Variants in OTOGL observed in about 807,000 individuals in gnomAD.
The protein encoded by OTOGL is otogelin-like protein.
OTOGL carries 285 observed loss-of-function variants against 318.5 expected under a neutral mutation model. That is an observed-to-expected ratio of 0.89 (90% CI 0.81 to 0.99). OTOGL has a LOEUF of 0.99. Ranked by LOEUF, OTOGL falls within the 50% of genes least tolerant of loss-of-function variation. The probability of loss-of-function intolerance (pLI) is 0.00; values close to 1 mark genes in which losing one functional copy is unlikely to be tolerated. For missense variants in OTOGL, 2,899 were observed against 2,845.6 expected (o/e 1.02, Z -0.43); for synonymous variants, 987 against 936.5 (o/e 1.05, Z -0.99).
chr12:80,262,964 CG>C (rs1341596829), intron 19 of OTOGL, among the ~76,000 whole-genome samples: 1 of 152,070 alleles, frequency 6.6e-6, no homozygotes, highest in Non-Finnish European at 1.5e-5. Context: ...GCACAGTTTA[CG>C]GATCATGCGG....
At chr12:80,290,371 C>T (rs1037514861) in intron 26 of OTOGL, among the ~76,000 whole-genome samples, 1 of 152,016 alleles carries the variant, frequency 6.6e-6, no homozygotes, top group Non-Finnish European at 1.5e-5. Flanking sequence ...TCTGCCTTTT[C>T]AATAAGCTAC....
rs1891216438 is a variant in OTOGL, at chr12:80,377,182, G to A, written c.6841G>A (p.Asp2281Asn). 6.2e-7 allele frequency: 1 copy of A among 1,607,712 alleles called. No individual in the cohort carries two copies. Among genetic ancestry groups the A allele is most frequent in the African/African-American group, 1.3e-5 (1 of 74,718 alleles). ...CATTAAATCGGTCATAAGGAAACAG[G>A]ACTGTATGAGCCAAAGCCCTGTAAG... is the stretch of plus-strand genomic sequence containing the variant. Reference protein sequence around the residue: ...VIIKSVIRKQDCMSQSPINVA... With the variant: ...VIIKSVIRKQNCMSQSPINVA... Residue 2281 changes from aspartate to asparagine, a missense_variant, in exon 58 of 59, where the codon GAC becomes AAC. Physicochemically the swap from Asp to Asn is conservative, Grantham distance 23. Transcript: ENST00000547103.
chr12:80,289,893 A>T (rs1884916540), intron 26 of OTOGL, among the ~76,000 whole-genome samples: 1 of 151,978 alleles, frequency 6.6e-6, no homozygotes, highest in Non-Finnish European at 1.5e-5. Flanking sequence ...CCCCCTTTCC[A>T]GAGAAGTGAA....
intron 22 of OTOGL, among the ~76,000 whole-genome samples, chr12:80,268,820 G>A (rs1160339528): frequency 6.6e-6 from 1 of 150,654 alleles, no homozygotes; most frequent in East Asian, 2.0e-4. Context: ...TGGTGTTCTT[G>A]CCTCTAGTTT....
At chr12:80,212,911 T>TC (rs1160734401) in intron 4 of OTOGL, among the ~76,000 whole-genome samples, 1 of 151,840 alleles carries the variant, frequency 6.6e-6, no homozygotes, top group Non-Finnish European at 1.5e-5. Context: ...TAGAGACCTT[T>TC]TTTTTGTTCC....
chr12:80,102,903 T>C (rs956752339), intron 1 of OTOGL: 5 of 814,094 alleles, frequency 6.1e-6, no homozygotes, highest in Non-Finnish European at 1.1e-5. Context: ...AGATTATTCC[T>C]CCATCTTCTC....
In OTOGL at chr12:80,358,675, T is replaced by G; in HGVS notation, c.6126T>G (p.Cys2042Trp). 6.2e-7 allele frequency: 1 copy of G among 1,607,100 alleles called. No individual in the cohort carries two copies. Among genetic ancestry groups the G allele is most frequent in the Non-Finnish European group, 8.5e-7 (1 of 1,176,268 alleles). The change falls in exon 51 of 59, where the codon TGT becomes TGG. Residue 2042 changes from cysteine (C) to tryptophan (W), a missense_variant. By Grantham distance (215) the Cys-to-Trp change is radical. Coordinates refer to ENST00000547103, the MANE Select transcript of OTOGL (RefSeq NM_001378609.3). ...HFCCPQYYCV[C>W]EPNLCPMPLL... is the part of the protein sequence containing the mutation. ...CCATGTAATTTTTCTTTTTAGTATG[T>G]GAACCAAACCTTTGTCCTATGCCAT...
intron 1 of OTOGL, among the ~76,000 whole-genome samples, chr12:80,124,310 C>G (rs1450592355): frequency 6.6e-6 from 1 of 152,154 alleles, no homozygotes; most frequent in African/African-American, 2.4e-5. Context: ...TTCCCCATTG[C>G]TTGTTTTTGT....
At position 80,320,609 on chromosome 12, in the gene OTOGL, C is replaced by T. The variant is rs775261293; in HGVS notation, c.3990C>T (p.Gly1330=). The T allele has an allele frequency of 5.0e-6, 8 of 1,612,096 alleles. No individual in the cohort carries two copies. The highest frequency in any genetic ancestry group is 6.8e-6 in the Non-Finnish European group (8 of 1,178,980). The change falls in exon 34 of 59, where the codon GGC becomes GGT. Residue 1330 remains glycine (G), a synonymous_variant. Transcript: ENST00000547103. ...YSAFELYSKK[G]FFIIFTDSSV... ...CATTTGAGTTATACAGCAAGAAAGG[C>T]TTTTTCATCATATTCACAGATTCTA...
chr12:80,269,110 C>T (rs1883217331), intron 22 of OTOGL, among the ~76,000 whole-genome samples: 1 of 151,994 alleles, frequency 6.6e-6, no homozygotes, highest in South Asian at 2.1e-4. Context: ...GTGACTCACT[C>T]AGTGGTGAAT....
chr12:80,248,378 A>G (rs1346188623), intron 11 of OTOGL, among the ~76,000 whole-genome samples: 1 of 143,804 alleles, frequency 7.0e-6, no homozygotes, highest in East Asian at 2.0e-4. Context: ...AAAATCTCTC[A>G]GCATTTGCTT....
chr12:80,150,585 C>T (rs1476900896), intron 1 of OTOGL, among the ~76,000 whole-genome samples: 1 of 149,726 alleles, frequency 6.7e-6, no homozygotes, highest in Non-Finnish European at 1.5e-5. Context: ...GACCTGCAGC[C>T]TTGTTAGTGG....
intron 1 of OTOGL, among the ~76,000 whole-genome samples, chr12:80,170,215 A>G (rs11114342): frequency 0.33 from 34,281 of 105,206 alleles, 4,127 homozygotes; most frequent in East Asian, 0.46. Flanking sequence ...GTGTGTGTGT[A>G]TGTATGTGTG....
At chr12:80,246,003 C>G (rs1160527700) in intron 11 of OTOGL, among the ~76,000 whole-genome samples, 3 of 147,838 alleles carry the variant, frequency 2.0e-5, no homozygotes, top group African/African-American at 7.6e-5. Context: ...GATTTTTGTA[C>G]ATTGATTTTG....
intron 18 of OTOGL, among the ~76,000 whole-genome samples, chr12:80,258,877 G>A (rs938508884): frequency 6.6e-6 from 1 of 152,024 alleles, no homozygotes; most frequent in Non-Finnish European, 1.5e-5. Context: ...GGGTGCATAA[G>A]CTTGGGAGAT....
At chr12:80,108,072 CT>C (rs1488289956) in intron 1 of OTOGL, among the ~76,000 whole-genome samples, 1 of 152,020 alleles carries the variant, frequency 6.6e-6, no homozygotes, top group African/African-American at 2.4e-5. Context: ...TTTAACAAAC[CT>C]GCACATGTAC....
chr12:80,190,815 AAG>A, intron 1 of OTOGL, among the ~76,000 whole-genome samples: 1 of 145,352 alleles, frequency 6.9e-6, no homozygotes, highest in Non-Finnish European at 1.5e-5. Context: ...AAAAAAAAAA[AAG>A]AGTGAATCCA....
At chr12:80,267,801 T>C (rs569451317) in intron 22 of OTOGL, among the ~76,000 whole-genome samples, 1 of 152,148 alleles carries the variant, frequency 6.6e-6, no homozygotes, top group African/African-American at 2.4e-5. Flanking sequence ...TACATGCATA[T>C]ATGACATTTC....
chr12:80,145,083 G>T (rs547882827), intron 1 of OTOGL, among the ~76,000 whole-genome samples: 33 of 151,530 alleles, frequency 2.2e-4, no homozygotes, highest in African/African-American at 7.8e-4. Flanking sequence ...TGTCAATTTT[G>T]TCTTTTGTTG....
Sources: gnomAD v4.1 joint callset for allele counts (sites outside exome capture counted in the v4.1 genomes callset) on GRCh38, gnomAD v4.1.1 for gene constraint, MANE v1.5 for transcripts, NCBI Gene and HGNC (gene_info 2026-07-23, HGNC 2026-07-21) for gene names.